DEUP1: variants seen among roughly 807,000 people sequenced by gnomAD.
DEUP1 encodes the protein deuterosome assembly protein 1, also known as coiled-coil domain containing 67.
Under a neutral mutation model 87.4 loss-of-function variants are expected in DEUP1, and 82 were observed. The ratio of observed to expected loss-of-function variants is 0.94; its 90% CI spans 0.78 to 1.13. The LOEUF is 1.13. Ranked by LOEUF, DEUP1 falls within the 50% of genes most tolerant of loss-of-function variation. DEUP1 has a pLI of 0.00. For synonymous variants in DEUP1, 214 were observed against 222.7 expected (o/e 0.96, Z 0.35); for missense variants, 663 against 681.5 (o/e 0.97, Z 0.30).
At chr11:93,349,937 GT>G (rs1352100655) in intron 2 of DEUP1, among the ~76,000 whole-genome samples, 6 of 152,258 alleles carry the variant, frequency 3.9e-5, no homozygotes, top group Admixed American at 6.5e-5. Flanking sequence ...AGGGAAAAGG[GT>G]TCAGGTGTGC....
intron 13 of DEUP1, among the ~76,000 whole-genome samples, chr11:93,434,495 G>A (rs1395669760): frequency 2.0e-5 from 3 of 152,216 alleles, no homozygotes; most frequent in Non-Finnish European, 2.9e-5. Flanking sequence ...CTGTTATGCA[G>A]TAGCAATCTT....
intron 4 of DEUP1, among the ~76,000 whole-genome samples, chr11:93,363,235 G>C (rs189575192): frequency 6.6e-6 from 1 of 151,868 alleles, no homozygotes; most frequent in Non-Finnish European, 1.5e-5. Flanking sequence ...AGGGGACTAA[G>C]TGTGATTCTA....
intron 11 of DEUP1, among the ~76,000 whole-genome samples, chr11:93,407,163 A>G (rs1420958249): frequency 6.6e-6 from 1 of 152,082 alleles, no homozygotes; most frequent in Non-Finnish European, 1.5e-5. Flanking sequence ...AGAAATATAG[A>G]ACAAGATTTA....
At chr11:93,420,387 A>G (rs1288095432) in intron 13 of DEUP1, among the ~76,000 whole-genome samples, 1 of 152,252 alleles carries the variant, frequency 6.6e-6, no homozygotes, top group Non-Finnish European at 1.5e-5. Flanking sequence ...AAAACTCAAT[A>G]AATTAGGTAT....
At chr11:93,410,229 G>A (rs771793060) in intron 12 of DEUP1, among the ~76,000 whole-genome samples, 30 of 152,206 alleles carry the variant, frequency 2.0e-4, no homozygotes, top group Admixed American at 8.5e-4. Context: ...GTAAAGAAGC[G>A]AATGAAGGAG....
rs190688011 is a variant in DEUP1 at position 93,416,878 on chromosome 11, C to A, written c.1638+1764C>A. ...TGGGATGCAAGGCTGGTTCAATATA[C>A]GCAAATCAATAAATGTAATCCAGCA... is the stretch of plus-strand genomic sequence containing the variant. On this transcript the variant is annotated intron_variant, in intron 13 of 13. Coordinates refer to ENST00000298050, the MANE Select transcript of DEUP1 (RefSeq NM_181645.4). Among the ~76,000 whole-genome samples the A allele has an allele frequency of 7.9e-3, 1,200 of 152,092 alleles. 15 individuals are homozygous for A. Among genetic ancestry groups the A allele is most frequent in the African/African-American group, 0.028 (1,154 of 41,496 alleles).
chr11:93,430,186 C>A (rs1440604150), intron 13 of DEUP1, among the ~76,000 whole-genome samples: 1 of 152,112 alleles, frequency 6.6e-6, no homozygotes, highest in African/African-American at 2.4e-5. Context: ...GGTTCTCCCT[C>A]CTATTTCTGT....
In DEUP1 at chr11:93,370,115, T is replaced by C. The variant is rs77230678; in HGVS notation, c.475T>C (p.Leu159=). The C allele has an allele frequency of 1.0e-3, 1,661 of 1,608,334 alleles. 22 individuals carry two copies. The African/African-American group carries it at 0.019, about 18-fold the overall frequency. Residue 159 remains leucine, a synonymous_variant, in exon 6 of 14, where the codon TTA becomes CTA. Transcript: ENST00000298050. ...KSREWDKQEI[L]YQTHLISLDA... is the part of the protein sequence containing the mutation. ...AAGAGAATGGGACAAGCAAGAGATA[T>C]TATATCAGACTCATCTGATTTCTTT... is the stretch of plus-strand genomic sequence containing the variant.
intron 4 of DEUP1, among the ~76,000 whole-genome samples, chr11:93,362,511 T>C (rs1228612849): frequency 6.6e-6 from 1 of 151,866 alleles, no homozygotes; most frequent in Admixed American, 6.6e-5. Flanking sequence ...ACAATATCCA[T>C]TCACATCCAC....
chr11:93,401,455 A>G (rs1281400764), intron 11 of DEUP1, among the ~76,000 whole-genome samples: 1 of 152,092 alleles, frequency 6.6e-6, no homozygotes, highest in East Asian at 1.9e-4. Flanking sequence ...TCTAAAATTT[A>G]TATGCAAACA....
chr11:93,381,010 C>G (rs1286089229), intron 7 of DEUP1, among the ~76,000 whole-genome samples: 2 of 152,168 alleles, frequency 1.3e-5, no homozygotes, highest in Admixed American at 1.3e-4. Context: ...GATTTCTACT[C>G]TCAGGAAAAC....
At chr11:93,356,114 GAAAA>G (rs1452564966) in intron 3 of DEUP1, among the ~76,000 whole-genome samples, 2 of 152,200 alleles carry the variant, frequency 1.3e-5, no homozygotes, top group African/African-American at 4.8e-5. Flanking sequence ...AGGCATTCAG[GAAAA>G]CCATATGCTT....
intron 7 of DEUP1, among the ~76,000 whole-genome samples, chr11:93,380,402 T>C (rs937133995): frequency 9.9e-5 from 15 of 152,158 alleles, no homozygotes; most frequent in African/African-American, 3.6e-4. Flanking sequence ...TGTTTTGTTT[T>C]GTTTTGTTTT....
chr11:93,364,601 G>T (rs902615986), intron 5 of DEUP1, among the ~76,000 whole-genome samples: 1 of 151,874 alleles, frequency 6.6e-6, no homozygotes, highest in Non-Finnish European at 1.5e-5. Flanking sequence ...CCTGGGGTCA[G>T]TTAAAGTGAA....
At chr11:93,351,730 C>T (rs1944637070) in intron 2 of DEUP1, among the ~76,000 whole-genome samples, 1 of 152,182 alleles carries the variant, frequency 6.6e-6, no homozygotes, top group Non-Finnish European at 1.5e-5. Context: ...GCCTAACATT[C>T]CTCCAGGAAT....
intron 5 of DEUP1, among the ~76,000 whole-genome samples, chr11:93,369,432 A>T (rs968062170): frequency 6.6e-6 from 1 of 150,776 alleles, no homozygotes; most frequent in African/African-American, 2.4e-5. Flanking sequence ...AAGAAATAGA[A>T]AGAAAGTAGT....
At chr11:93,352,549 A>T (rs1944677595) in intron 2 of DEUP1, 2 of 613,542 alleles carry the variant, frequency 3.3e-6, no homozygotes, top group Non-Finnish European at 5.8e-6. Flanking sequence ...TCACTGTCTA[A>T]AGACTTACAG....
chr11:93,428,521 A>G (rs1565353761), intron 13 of DEUP1, among the ~76,000 whole-genome samples: 1 of 152,122 alleles, frequency 6.6e-6, no homozygotes, highest in Admixed American at 6.5e-5. Context: ...GGTGCAGCAC[A>G]CCAACATGGC....
chr11:93,391,434 G>C (rs1391093664), intron 9 of DEUP1, among the ~76,000 whole-genome samples: 2 of 152,000 alleles, frequency 1.3e-5, no homozygotes, highest in African/African-American at 2.4e-5. Flanking sequence ...TTTTGGCCAG[G>C]TGCCGTGGCT....
Sources: gnomAD v4.1 joint callset for allele counts (sites outside exome capture counted in the v4.1 genomes callset) on GRCh38, gnomAD v4.1.1 for gene constraint, MANE v1.5 for transcripts, NCBI Gene and HGNC (gene_info 2026-07-23, HGNC 2026-07-21) for gene names.